Variants in NDC80 observed in about 807,000 individuals in gnomAD.
The protein encoded by NDC80 is kinetochore protein NDC80 homolog.
NDC80 carries 69 observed loss-of-function variants against 89.3 expected under a neutral mutation model. That is an observed-to-expected ratio of 0.77 (90% CI 0.64 to 0.94). The LOEUF is 0.94. Among genes scored for constraint, NDC80 ranks in the 40% least tolerant of loss-of-function variants. The pLI, the probability that NDC80 is intolerant of heterozygous loss-of-function variation, is 0.00. For synonymous variants in NDC80, 243 were observed against 255.6 expected (o/e 0.95, Z 0.47); for missense variants, 593 against 739.6 (o/e 0.80, Z 2.30).
Position 2,603,351 on chromosome 18 carries a change from T to TTATATATA in NDC80, c.1464+1870_1464+1871insTATATATA, listed in dbSNP as rs1179070812. Among the ~76,000 whole-genome samples the TTATATATA allele has an allele frequency of 1.2e-3, 97 of 80,934 alleles. 3 individuals carry two copies. The highest frequency in any genetic ancestry group is 4.5e-3 in the African/African-American group (90 of 19,934). The allele number at this position is 80,934 out of a possible 152,430, so 53.1% of individuals were successfully genotyped here. A position where few individuals can be genotyped will look rare whatever the true frequency, so the allele number is the denominator to read the frequency against. On this transcript the variant is annotated intron_variant, in intron 13 of 16. Coordinates refer to ENST00000261597, the MANE Select transcript of NDC80 (RefSeq NM_006101.3). ...TGGAGAACAACAGAAGAGAATATGT[T>TTATATATA]TATACATATATATATATATATATAT...
At chr18:2,574,570 G>A (rs2072536236) in intron 2 of NDC80, among the ~76,000 whole-genome samples, 1 of 151,846 alleles carries the variant, frequency 6.6e-6, no homozygotes, top group South Asian at 2.1e-4. Flanking sequence ...CTGAAAGTAT[G>A]TTCTGTGTCT....
At chr18:2,582,075 TTTGTTTG>T in intron 6 of NDC80, 1 of 153,190 alleles carries the variant, frequency 6.5e-6, no homozygotes, top group South Asian at 2.1e-4. Context: ...TGTTTGTTTG[TTTGTTTG>T]TTTGTTTGTT....
chr18:2,602,490 G>A (rs996197363), intron 13 of NDC80, among the ~76,000 whole-genome samples: 1 of 152,130 alleles, frequency 6.6e-6, no homozygotes, highest in African/African-American at 2.4e-5. Context: ...TGCTCCCTGG[G>A]AATGATGATT....
chr18:2,611,205 C>A (rs187425248), intron 16 of NDC80, among the ~76,000 whole-genome samples: 1 of 152,064 alleles, frequency 6.6e-6, no homozygotes, highest in African/African-American at 2.4e-5. Flanking sequence ...CCTGCCACCA[C>A]GCCCAGCTAA....
rs571406837 is a variant in NDC80 at position 2,595,964 on chromosome 18, C to T, written c.1221+343C>T. 4.6e-5 allele frequency among the ~76,000 whole-genome samples: 7 copies of T among 152,232 alleles called. No individual in the cohort carries two copies. In the South Asian group the frequency reaches 8.3e-4, roughly 18 times the overall value. On this transcript the variant is annotated intron_variant, in intron 11 of 16. Transcript: ENST00000261597. ...TACTTAAGCATTAAGATTGAACATC[C>T]GCTGTGTGTCACTTATGCTAGGCAT...
intron 10 of NDC80, among the ~76,000 whole-genome samples, chr18:2,592,615 TC>T (rs1568003164): frequency 6.6e-6 from 1 of 151,828 alleles, no homozygotes; most frequent in Non-Finnish European, 1.5e-5. Flanking sequence ...CGCCTCAGCC[TC>T]CCAAAGTGCT....
intron 16 of NDC80, among the ~76,000 whole-genome samples, chr18:2,614,611 AAG>A (rs1568016357): frequency 1.5e-4 from 1 of 6,566 alleles, no homozygotes; most frequent in Non-Finnish European, 2.7e-4. Flanking sequence ...GAAAGAAAGA[AAG>A]AAAGAAAGAA....
chr18:2,592,482 A>C (rs2143648538), intron 10 of NDC80, among the ~76,000 whole-genome samples: 1 of 151,650 alleles, frequency 6.6e-6, no homozygotes, highest in African/African-American at 2.4e-5. Flanking sequence ...CAGTTTCCCA[A>C]GTAGCTGGGA....
chr18:2,605,708 G>T (rs1396805688), intron 13 of NDC80, among the ~76,000 whole-genome samples: 3 of 151,492 alleles, frequency 2.0e-5, no homozygotes, highest in African/African-American at 7.3e-5. Context: ...TCATATGTGT[G>T]TAGAATTATC....
intron 10 of NDC80, among the ~76,000 whole-genome samples, chr18:2,590,588 A>G (rs972433012): frequency 6.6e-6 from 1 of 152,204 alleles, no homozygotes; most frequent in African/African-American, 2.4e-5. Context: ...CTATCTTATA[A>G]GGACATTTGA....
At chr18:2,583,929 A>G (rs1419968103) in intron 6 of NDC80, among the ~76,000 whole-genome samples, 1 of 152,140 alleles carries the variant, frequency 6.6e-6, no homozygotes, top group Non-Finnish European at 1.5e-5. Context: ...CTCCTAACGC[A>G]TAGTCCTTTT....
At chr18:2,579,458 C>T (rs971665478) in intron 6 of NDC80, among the ~76,000 whole-genome samples, 8 of 152,100 alleles carry the variant, frequency 5.3e-5, no homozygotes, top group African/African-American at 9.7e-5. Flanking sequence ...GAGGGAGTCT[C>T]GCTGTGTTGC....
At chr18:2,578,533 A>C (rs771320401) in intron 5 of NDC80, among the ~76,000 whole-genome samples, 1 of 152,204 alleles carries the variant, frequency 6.6e-6, no homozygotes, top group Non-Finnish European at 1.5e-5. Flanking sequence ...GATTTTACAG[A>C]AGCCAAAAAC....
Position 2,577,749 on chromosome 18 carries a change from T to C in NDC80, c.183T>C (p.Thr61=), listed in dbSNP as rs765193509. 1.6e-5 allele frequency: 26 copies of C among 1,613,664 alleles called. No homozygotes were observed. Among genetic ancestry groups the C allele is most frequent in the Non-Finnish European group, 2.1e-5 (25 of 1,179,890 alleles). Residue 61 remains threonine (T), a synonymous_variant, in exon 4 of 17, where the codon ACT becomes ACC. Transcript: ENST00000261597. The part of the protein sequence containing the change: ...ERKVSLFGKR[T]SGHGSRNSQL... ...CTGTTTAAAAATATATTTCCAGAAC[T>C]AGTGGACATGGATCCCGGAATAGTC...
At chr18:2,588,322 G>A (rs908198625) in intron 8 of NDC80, among the ~76,000 whole-genome samples, 3 of 151,966 alleles carry the variant, frequency 2.0e-5, no homozygotes, top group African/African-American at 4.8e-5. Context: ...AGAAATTAAA[G>A]CACCAATTAG....
At position 2,578,393 on chromosome 18, in the gene NDC80, C is replaced by T. The variant is rs370931512; in HGVS notation, c.476+252C>T. ...GATCAAGTTTGATGATGGGTACAGA[C>T]GGATAAAATCCACTTTTCTTTGTTT... On this transcript the variant is annotated intron_variant, in intron 5 of 16. Coordinates refer to ENST00000261597, the MANE Select transcript of NDC80 (RefSeq NM_006101.3). 1.2e-4 allele frequency among the ~76,000 whole-genome samples: 19 copies of T among 152,142 alleles called. 1 individual carries two copies. The East Asian group carries it at 2.3e-3, about 19-fold the overall frequency.
Position 2,603,351 on chromosome 18 carries a change from T to TTATATATATATATATA in NDC80, c.1464+1870_1464+1871insTATATATATATATATA, listed in dbSNP as rs1179070812. Reference sequence around the variant, plus strand: ...TGGAGAACAACAGAAGAGAATATGTTTATACATATATATATATATATATAT... The same window carrying TTATATATATATATATA: ...TGGAGAACAACAGAAGAGAATATGTTTATATATATATATATATATACATATATATATATATATATAT... On this transcript the variant is annotated intron_variant, in intron 13 of 16. Transcript: ENST00000261597. 2.6e-3 allele frequency among the ~76,000 whole-genome samples: 209 copies of TTATATATATATATATA among 80,884 alleles called. 4 individuals carry two copies. The highest frequency in any genetic ancestry group is 9.9e-3 in the African/African-American group (197 of 19,886). 53.1% of individuals were successfully genotyped at this position (80,884 alleles called of 152,430 possible).
chr18:2,586,102 A>G (rs528442327), intron 7 of NDC80, among the ~76,000 whole-genome samples: 124 of 152,362 alleles, frequency 8.1e-4, no homozygotes, highest in African/African-American at 2.9e-3. Context: ...ACTTAGAAGA[A>G]AAACTATTCT....
In NDC80 at chr18:2,608,675, C is replaced by T. The variant is rs1014529877; in HGVS notation, c.1558-25C>T. 2.5e-6 allele frequency: 4 copies of T among 1,599,760 alleles called. No individual in the cohort carries two copies. The Admixed American group carries it at 6.7e-5, about 27-fold the overall frequency. ...TACAGAATGTGAATATCAAGAAACC[C>T]ATAACCGTGACTTTATCCTGATAGG... On this transcript the variant is annotated intron_variant, in intron 14 of 16. Coordinates refer to ENST00000261597, the MANE Select transcript of NDC80 (RefSeq NM_006101.3).
Sources: gnomAD v4.1 joint callset for allele counts (sites outside exome capture counted in the v4.1 genomes callset) on GRCh38, gnomAD v4.1.1 for gene constraint, MANE v1.5 for transcripts, NCBI Gene and HGNC (gene_info 2026-07-23, HGNC 2026-07-21) for gene names.